Variants in ADAMTSL1 observed in about 807,000 individuals in gnomAD.
ADAMTSL1 encodes the protein ADAMTS like 1.
ADAMTSL1 carries 126 observed loss-of-function variants against 201.8 expected under a neutral mutation model. That is an observed-to-expected ratio of 0.62 (90% confidence interval 0.54 to 0.72). The LOEUF (loss-of-function observed/expected upper bound fraction) is 0.72. ADAMTSL1 is among the 30% of genes least tolerant of loss of function. ADAMTSL1 has a pLI of 0.00. For missense variants in ADAMTSL1, 2,679 were observed against 2,277.8 expected (o/e 1.18, Z -3.59); for synonymous variants, 1,121 against 903.4 (o/e 1.24, Z -4.32).
intron 3 of ADAMTSL1, among the ~76,000 whole-genome samples, chr9:18,536,118 GCA>G (rs1819757213): frequency 6.6e-6 from 1 of 152,100 alleles, no homozygotes; most frequent in South Asian, 2.1e-4. Context: ...AACAGAAGCA[GCA>G]TTGCGAAAAA....
At chr9:18,064,918 T>C (rs1350894737) in intron 1 of ADAMTSL1, among the ~76,000 whole-genome samples, 3 of 148,704 alleles carry the variant, frequency 2.0e-5, no homozygotes, top group Non-Finnish European at 4.4e-5. Flanking sequence ...CACACTGGTA[T>C]TCAAAAATTG....
At chr9:18,740,354 C>A (rs1818749469) in intron 15 of ADAMTSL1, among the ~76,000 whole-genome samples, 1 of 149,396 alleles carries the variant, frequency 6.7e-6, no homozygotes, top group Admixed American at 6.6e-5. Context: ...CCCAGTCTCC[C>A]CCACCCGCAC....
intron 3 of ADAMTSL1, among the ~76,000 whole-genome samples, chr9:18,545,517 C>G (rs1587519874): frequency 6.6e-6 from 1 of 152,048 alleles, no homozygotes; most frequent in Non-Finnish European, 1.5e-5. Flanking sequence ...TATAATTCTT[C>G]AAGGCTAGAA....
intron 4 of ADAMTSL1, among the ~76,000 whole-genome samples, chr9:18,583,920 G>A (rs750557125): frequency 3.3e-5 from 5 of 152,138 alleles, no homozygotes; most frequent in East Asian, 1.9e-4. Flanking sequence ...CATTGTGTCC[G>A]GAAATAACTA....
At position 18,522,198 on chromosome 9, in the gene ADAMTSL1, TCACTA is replaced by T. The variant is rs537327423; in HGVS notation, c.192-11047_192-11043del. On this transcript the variant is annotated intron_variant, in intron 2 of 28. Coordinates refer to ENST00000380548, the MANE Select transcript of ADAMTSL1 (RefSeq NM_001040272.6). Reference sequence around the variant, plus strand: ...AAAAACTACCTAACAGGTACTATGCTCACTACCTGGTGACAGGATCATCCCTAACC... The same window carrying T: ...AAAAACTACCTAACAGGTACTATGCTCCTGGTGACAGGATCATCCCTAACC... Among the ~76,000 whole-genome samples, 13 of 152,182 alleles carry T rather than the reference TCACTA, an allele frequency of 8.5e-5. No individual in the cohort carries two copies. In the South Asian group the frequency reaches 2.7e-3, roughly 32 times the overall value.
At chr9:18,434,036 T>C (rs1819613047) in intron 2 of ADAMTSL1, among the ~76,000 whole-genome samples, 1 of 152,230 alleles carries the variant, frequency 6.6e-6, no homozygotes, top group Non-Finnish European at 1.5e-5. Context: ...CAGGAGATGC[T>C]GAACTTTTAT....
At chr9:18,313,723 A>G (rs1424723655) in intron 2 of ADAMTSL1, among the ~76,000 whole-genome samples, 1 of 152,192 alleles carries the variant, frequency 6.6e-6, no homozygotes, top group African/African-American at 2.4e-5. Flanking sequence ...GCAGTGTTCT[A>G]GGAGTTTCCT....
At chr9:18,579,826 T>C (rs533744536) in intron 4 of ADAMTSL1, among the ~76,000 whole-genome samples, 22 of 152,332 alleles carry the variant, frequency 1.4e-4, no homozygotes, top group African/African-American at 5.3e-4. Flanking sequence ...ACTGCTGTTA[T>C]TCATTTATTT....
intron 2 of ADAMTSL1, among the ~76,000 whole-genome samples, chr9:18,366,151 G>A (rs1422475730): frequency 6.6e-6 from 1 of 151,954 alleles, no homozygotes. Context: ...GCTGGAGTGA[G>A]GTTCCTTTGA....
At chr9:17,970,816 C>CA (rs1327478033) in intron 1 of ADAMTSL1, among the ~76,000 whole-genome samples, 9 of 151,982 alleles carry the variant, frequency 5.9e-5, no homozygotes, top group Middle Eastern at 6.8e-3. Context: ...CTGAATTTGC[C>CA]AAAAAATATT....
At chr9:17,945,717 C>G (rs1159946690) in intron 1 of ADAMTSL1, among the ~76,000 whole-genome samples, 2 of 150,142 alleles carry the variant, frequency 1.3e-5, no homozygotes, top group Non-Finnish European at 2.9e-5. Context: ...ATCGCAAGAA[C>G]AAAAAACCAA....
intron 2 of ADAMTSL1, among the ~76,000 whole-genome samples, chr9:18,419,152 G>C (rs10963602): frequency 0.22 from 32,825 of 152,022 alleles, 3,848 homozygotes; most frequent in East Asian, 0.45. Context: ...AACAAATAAA[G>C]CAAAACTCTC....
chr9:18,837,197 C>T (rs1825363823), intron 23 of ADAMTSL1, among the ~76,000 whole-genome samples: 1 of 152,192 alleles, frequency 6.6e-6, no homozygotes, highest in African/African-American at 2.4e-5. Flanking sequence ...ACTTCTGTCT[C>T]AAAGACGTTC....
In ADAMTSL1 at chr9:18,909,999, C is replaced by T. The variant is rs1416678429; in HGVS notation, c.*1451C>T. 1 of 152,196 alleles carries T rather than the reference C, an allele frequency of 6.6e-6. No homozygotes were observed. The highest frequency in any genetic ancestry group is 1.5e-5 in the Non-Finnish European group (1 of 68,042). 9.4% of individuals were successfully genotyped at this position (152,196 alleles called of 1,614,324 possible). On this transcript the variant is annotated 3_prime_UTR_variant, in exon 29 of 29. Transcript: ENST00000380548. Reference sequence around the variant, plus strand: ...TTGGCCAAGTAATTTTTGCCTCCTTCCCTCGCGTGGCCTGAGTTTAGGAGC... The same window carrying T: ...TTGGCCAAGTAATTTTTGCCTCCTTTCCTCGCGTGGCCTGAGTTTAGGAGC...
At chr9:18,099,352 TATA>T (rs1309060352) in intron 1 of ADAMTSL1, among the ~76,000 whole-genome samples, 6,158 of 53,696 alleles carry the variant, frequency 0.11, 317 homozygotes, top group Non-Finnish European at 0.17. Flanking sequence ...TATATATATA[TATA>T]TTTTTTTTTT....
At chr9:18,302,308 C>A (rs940580166) in intron 2 of ADAMTSL1, among the ~76,000 whole-genome samples, 1 of 152,156 alleles carries the variant, frequency 6.6e-6, no homozygotes, top group African/African-American at 2.4e-5. Context: ...AGGATACTCT[C>A]TGTCCAGCCC....
intron 2 of ADAMTSL1, among the ~76,000 whole-genome samples, chr9:18,253,623 C>A (rs1287922949): frequency 6.6e-6 from 1 of 152,128 alleles, no homozygotes; most frequent in African/African-American, 2.4e-5. Context: ...TGGGCAAAGT[C>A]AGGGGAAAAT....
At chr9:18,611,879 G>A (rs765501200) in intron 4 of ADAMTSL1, among the ~76,000 whole-genome samples, 2 of 152,168 alleles carry the variant, frequency 1.3e-5, no homozygotes, top group Non-Finnish European at 2.9e-5. Flanking sequence ...GTGGAGGTGG[G>A]AGTGTGTAGG....
At chr9:18,653,901 G>T (rs7850813) in intron 7 of ADAMTSL1, among the ~76,000 whole-genome samples, 111 of 152,254 alleles carry the variant, frequency 7.3e-4, no homozygotes, top group African/African-American at 2.6e-3. Context: ...TATACTGTCC[G>T]ACCTAAAAAG....
Sources: gnomAD v4.1 joint callset for allele counts (sites outside exome capture counted in the v4.1 genomes callset) on GRCh38, gnomAD v4.1.1 for gene constraint, MANE v1.5 for transcripts, NCBI Gene and HGNC (gene_info 2026-07-23, HGNC 2026-07-21) for gene names.